The following SMAP1 variants were observed in gnomAD, a reference collection of about 807,000 sequenced individuals.
SMAP1 encodes the protein small ArfGAP 1, also known as stromal membrane-associated protein 1.
Under a neutral mutation model 58.5 loss-of-function variants are expected in SMAP1, and 24 were observed. The ratio of observed to expected loss-of-function variants is 0.41; its 90% confidence interval spans 0.30 to 0.58. The LOEUF (loss-of-function observed/expected upper bound fraction) is 0.58, where lower values mean the gene tolerates loss of function less well. Ranked by LOEUF, SMAP1 falls within the 20% of genes least tolerant of loss-of-function variation. The pLI, the probability that SMAP1 is intolerant of heterozygous loss-of-function variation, is 0.29. For synonymous variants in SMAP1, 216 were observed against 196.6 expected, an observed-to-expected ratio of 1.10 and a Z score of -0.82; for missense variants, 563 against 566.3, an observed-to-expected ratio of 0.99 and a Z score of 0.06.
chr6:70,755,509 C>T (rs747685750), intron 3 of SMAP1, among the ~76,000 whole-genome samples: 4 of 151,996 alleles, frequency 2.6e-5, no homozygotes, highest in Admixed American at 6.6e-5. Context: ...TTTGCTCAAC[C>T]GTAGGCTAAT....
intron 6 of SMAP1, among the ~76,000 whole-genome samples, chr6:70,813,391 G>A (rs1479268701): frequency 6.6e-6 from 1 of 151,914 alleles, no homozygotes; most frequent in Non-Finnish European, 1.5e-5. Flanking sequence ...ATAGGCTTAA[G>A]TTATACAAAT....
At chr6:70,688,407 T>G (rs1473538042) in intron 1 of SMAP1, among the ~76,000 whole-genome samples, 1 of 152,238 alleles carries the variant, frequency 6.6e-6, no homozygotes, top group Non-Finnish European at 1.5e-5. Context: ...TGTACCATTT[T>G]ATACATCTAC....
At chr6:70,697,233 T>C (rs1296454233) in intron 1 of SMAP1, among the ~76,000 whole-genome samples, 1 of 152,176 alleles carries the variant, frequency 6.6e-6, no homozygotes, top group Non-Finnish European at 1.5e-5. Flanking sequence ...TTCAATGTTA[T>C]TGATATGTAA....
intron 3 of SMAP1, among the ~76,000 whole-genome samples, chr6:70,766,806 C>T (rs1392125613): frequency 6.6e-6 from 1 of 152,206 alleles, no homozygotes; most frequent in South Asian, 2.1e-4. Flanking sequence ...GTGTTTTAGA[C>T]ATGAAGTCCT....
chr6:70,780,269 A>C (rs1296950642), intron 4 of SMAP1, among the ~76,000 whole-genome samples: 1 of 152,098 alleles, frequency 6.6e-6, no homozygotes, highest in Admixed American at 6.5e-5. Context: ...AAATTTGACA[A>C]CAGTTTGCAG....
At chr6:70,763,459 C>T (rs1766839033) in intron 3 of SMAP1, among the ~76,000 whole-genome samples, 1 of 152,122 alleles carries the variant, frequency 6.6e-6, no homozygotes, top group Non-Finnish European at 1.5e-5. Context: ...TTTTCCTCTG[C>T]ACTCCGTATT....
intron 6 of SMAP1, among the ~76,000 whole-genome samples, chr6:70,808,266 C>A (rs934109428): frequency 6.6e-6 from 1 of 152,110 alleles, no homozygotes; most frequent in African/African-American, 2.4e-5. Context: ...AACTTCTGAT[C>A]ATGTGTTAAG....
At chr6:70,827,822 G>A (rs1770198131) in intron 6 of SMAP1, among the ~76,000 whole-genome samples, 1 of 152,184 alleles carries the variant, frequency 6.6e-6, no homozygotes. Flanking sequence ...AACATTTACT[G>A]AAAGATGTCC....
At chr6:70,669,581 G>T (rs1366854273) in intron 1 of SMAP1, among the ~76,000 whole-genome samples, 1 of 152,228 alleles carries the variant, frequency 6.6e-6, no homozygotes, top group African/African-American at 2.4e-5. Flanking sequence ...ACTTGATTGT[G>T]TGTGGTTATT....
intron 3 of SMAP1, among the ~76,000 whole-genome samples, chr6:70,756,882 T>C (rs566588605): frequency 5.3e-5 from 8 of 152,084 alleles, no homozygotes; most frequent in Admixed American, 4.6e-4. Flanking sequence ...TACAAACAAA[T>C]GGAAGAACAT....
chr6:70,787,360 A>G (rs1054775091), intron 4 of SMAP1, among the ~76,000 whole-genome samples: 1 of 152,232 alleles, frequency 6.6e-6, no homozygotes, highest in Admixed American at 6.5e-5. Context: ...AAGAAAACCT[A>G]GGCAATACCA....
rs1227565608 is a variant in SMAP1, at chr6:70,798,666, G to C, written c.505G>C (p.Glu169Gln). Residue 169 changes from glutamate (E) to glutamine (Q), a missense_variant, in exon 6 of 11, where the codon GAA (glutamate) becomes CAA (glutamine). By Grantham distance (29) the Glu-to-Gln change is conservative. Around this residue, in one of 3 missense-constraint regions of SMAP1, gnomAD observed 494 missense variants for 473.8 expected, o/e 1.04. Transcript: ENST00000370455. ...TTGGGCTGTGTTTTAGAAAGAAAAG[G>C]AAAAAAAAAAGGAAGAGAAAAAGAG... is the stretch of plus-strand genomic sequence containing the variant. ...VDKNKLEKEKEKKKEEKKREK... is the reference protein window; with the variant it reads ...VDKNKLEKEKQKKKEEKKREK... The C allele has an allele frequency of 7.6e-7, 1 of 1,307,748 alleles. No individual in the cohort carries two copies. 81.0% of individuals were successfully genotyped at this position (1,307,748 alleles called of 1,614,324 possible). A position where few individuals can be genotyped will look rare whatever the true frequency, so the allele number is the denominator to read the frequency against.
intron 1 of SMAP1, among the ~76,000 whole-genome samples, chr6:70,696,586 A>G (rs958465576): frequency 1.3e-5 from 2 of 152,136 alleles, no homozygotes; most frequent in African/African-American, 4.8e-5. Context: ...TGCTAGTTTT[A>G]TTCCATCATG....
At chr6:70,816,060 G>T (rs1769616009) in intron 6 of SMAP1, among the ~76,000 whole-genome samples, 1 of 152,144 alleles carries the variant, frequency 6.6e-6, no homozygotes, top group African/African-American at 2.4e-5. Context: ...GACAGAGTGT[G>T]GAGGTTTGGA....
intron 1 of SMAP1, among the ~76,000 whole-genome samples, chr6:70,694,791 G>T (rs1336446605): frequency 6.6e-6 from 1 of 152,168 alleles, no homozygotes; most frequent in Non-Finnish European, 1.5e-5. Flanking sequence ...GGGGGTAAAG[G>T]TACCTTGTAA....
chr6:70,755,785 G>T (rs544029544), intron 3 of SMAP1, among the ~76,000 whole-genome samples: 2 of 151,968 alleles, frequency 1.3e-5, no homozygotes, highest in African/African-American at 4.8e-5. Flanking sequence ...TAAGCATCCT[G>T]AGTATGTTAG....
At chr6:70,723,847 A>G (rs1034281436) in intron 1 of SMAP1, among the ~76,000 whole-genome samples, 2 of 152,076 alleles carry the variant, frequency 1.3e-5, no homozygotes, top group African/African-American at 2.4e-5. Context: ...AAATACTACA[A>G]CTTAGGTGCT....
chr6:70,796,795 T>A (rs1768626643), intron 5 of SMAP1, among the ~76,000 whole-genome samples: 1 of 152,212 alleles, frequency 6.6e-6, no homozygotes, highest in Non-Finnish European at 1.5e-5. Flanking sequence ...GCATATAGAT[T>A]ACTCTTCAGG....
chr6:70,786,244 A>T (rs1426786792), intron 4 of SMAP1, among the ~76,000 whole-genome samples: 20 of 149,318 alleles, frequency 1.3e-4, no homozygotes, highest in Admixed American at 5.4e-4. Flanking sequence ...CTTTGACAAA[A>T]TTCAACAACC....
Sources: gnomAD v4.1 joint callset for allele counts (sites outside exome capture counted in the v4.1 genomes callset) on GRCh38, gnomAD v4.1.1 for gene constraint, gnomAD v4.1.1 regional missense constraint, MANE v1.5 for transcripts, NCBI Gene and HGNC (gene_info 2026-07-23, HGNC 2026-07-21) for gene names.